The following ATG13 variants were observed in gnomAD, a reference collection of about 807,000 sequenced individuals.
The protein encoded by ATG13 is autophagy-related protein 13.
In ATG13, 23 loss-of-function variants were observed where a neutral mutation model predicts 65.5. The ratio of observed to expected loss-of-function variants is 0.35; its 90% CI spans 0.25 to 0.50. The LOEUF (loss-of-function observed/expected upper bound fraction) is 0.50. ATG13 is among the 20% of genes least tolerant of loss of function. The pLI is 0.98. For missense variants in ATG13, 566 were observed against 677.0 expected, an observed-to-expected ratio of 0.84 and a Z score of 1.82; for synonymous variants, 252 against 245.2, an observed-to-expected ratio of 1.03 and a Z score of -0.26.
At chr11:46,663,641 G>A (rs1398749609) in intron 11 of ATG13, among the ~76,000 whole-genome samples, 1 of 152,158 alleles carries the variant, frequency 6.6e-6, no homozygotes, top group Non-Finnish European at 1.5e-5. Context: ...CCTTTCTGTT[G>A]GAAGCTGCTG....
At chr11:46,632,688 CTT>C (rs112679548) in intron 2 of ATG13, among the ~76,000 whole-genome samples, 1,779 of 152,118 alleles carry the variant, frequency 0.012, 42 homozygotes, top group African/African-American at 0.041. Flanking sequence ...CCTCTATAGA[CTT>C]TTGGCAGTAG....
At chr11:46,640,638 A>G (rs947343579) in intron 2 of ATG13, among the ~76,000 whole-genome samples, 1 of 152,252 alleles carries the variant, frequency 6.6e-6, no homozygotes, top group Non-Finnish European at 1.5e-5. Flanking sequence ...TCTAGGCAAC[A>G]GAGCAAGATT....
intron 2 of ATG13, among the ~76,000 whole-genome samples, chr11:46,643,238 T>C (rs182780241): frequency 6.6e-6 from 1 of 152,288 alleles, no homozygotes; most frequent in African/African-American, 2.4e-5. Flanking sequence ...CCAGTTTAGC[T>C]TGGGATCAAC....
chr11:46,654,825 A>T (rs1480834124), intron 7 of ATG13, among the ~76,000 whole-genome samples: 1 of 151,220 alleles, frequency 6.6e-6, no homozygotes, highest in East Asian at 2.0e-4. Context: ...CAGGCCAGGC[A>T]TGGTGGCTTG....
intron 7 of ATG13, 143 bp downstream of exon 7, chr11:46,650,460 C>A: frequency 8.6e-7 from 1 of 1,167,350 alleles, no homozygotes; most frequent in Non-Finnish European, 1.2e-6. Context: ...CATGTGATCA[C>A]TATCCAGCCT....
intron 4 of ATG13, 106 bp downstream of exon 4, chr11:46,645,525 A>G (rs926534617): frequency 2.1e-6 from 2 of 944,614 alleles, no homozygotes; most frequent in East Asian, 2.7e-5. Flanking sequence ...GTATTATAAA[A>G]GTAAAATATC....
chr11:46,663,968 C>G, intron 11 of ATG13, 29 bp from the exon 12 acceptor site: 36 of 412,728 alleles, frequency 8.7e-5, no homozygotes, highest in Middle Eastern at 7.1e-4. Flanking sequence ...TTTTTTGTTT[C>G]TCCTGTCTCT....
At position 46,617,558 on chromosome 11, in the gene ATG13, T is replaced by G. The variant is rs2045695112; in HGVS notation, c.-402T>G. On this transcript the variant is annotated 5_prime_UTR_variant, in exon 1 of 19. Coordinates refer to ENST00000683050, the MANE Select transcript of ATG13 (RefSeq NM_001346311.2). ...CTCTTTCACCCCCCCCCCCCGGCCATTACCGAAGCGGATGAAAACAAACAC... is the reference window on the plus strand; with the variant it reads ...CTCTTTCACCCCCCCCCCCCGGCCAGTACCGAAGCGGATGAAAACAAACAC... 4.5e-5 allele frequency: 3 copies of G among 67,032 alleles called. No homozygotes were observed. The highest frequency in any genetic ancestry group is 8.0e-5 in the African/African-American group (1 of 12,536). 4.2% of individuals were successfully genotyped at this position (67,032 alleles called of 1,614,324 possible). A position where few individuals can be genotyped will look rare whatever the true frequency, so the allele number is the denominator to read the frequency against.
intron 5 of ATG13, 110 bp from the exon 6 acceptor site, chr11:46,649,027 C>A (rs2058348332): frequency 3.5e-6 from 3 of 859,202 alleles, no homozygotes; most frequent in South Asian, 2.2e-5. Flanking sequence ...AAGTTGATAT[C>A]TATTCTTTTT....
intron 15 of ATG13, among the ~76,000 whole-genome samples, chr11:46,668,290 C>T (rs2062841263): frequency 1.3e-5 from 2 of 152,202 alleles, no homozygotes; most frequent in Admixed American, 1.3e-4. Flanking sequence ...CTCAGGACCC[C>T]AACCCTTGTT....
intron 10 of ATG13, 77 bp downstream of exon 10, chr11:46,657,699 T>C: frequency 1.5e-6 from 2 of 1,311,684 alleles, no homozygotes; most frequent in South Asian, 1.4e-5. Flanking sequence ...CATGGAACAC[T>C]TTTCTCAGCA....
chr11:46,620,803 G>A (rs573952057), intron 1 of ATG13, among the ~76,000 whole-genome samples: 14 of 151,952 alleles, frequency 9.2e-5, no homozygotes, highest in Non-Finnish European at 1.9e-4. Flanking sequence ...CTCAATTAAC[G>A]TGCATGGTTG....
chr11:46,651,308 G>C (rs1474302133), intron 7 of ATG13, among the ~76,000 whole-genome samples: 1 of 152,250 alleles, frequency 6.6e-6, no homozygotes, highest in Non-Finnish European at 1.5e-5. Flanking sequence ...AAACAGTGCA[G>C]TTCTTATGAA....
intron 5 of ATG13, among the ~76,000 whole-genome samples, chr11:46,646,899 A>G (rs1314042565): frequency 6.6e-6 from 1 of 152,004 alleles, no homozygotes; most frequent in African/African-American, 2.4e-5. Context: ...AGCTGAGACT[A>G]TAGGCATGCA....
At chr11:46,640,737 C>T (rs1371740002) in intron 2 of ATG13, among the ~76,000 whole-genome samples, 1 of 152,196 alleles carries the variant, frequency 6.6e-6, no homozygotes, top group African/African-American at 2.4e-5. Context: ...GGGGAAATTT[C>T]AGTCATCAGG....
At chr11:46,660,511 G>A (rs1343356213) in intron 11 of ATG13, among the ~76,000 whole-genome samples, 4 of 150,080 alleles carry the variant, frequency 2.7e-5, no homozygotes, top group Non-Finnish European at 4.4e-5. Flanking sequence ...CCGGGTTCAC[G>A]CCATTCTCCT....
At chr11:46,650,975 T>A (rs561535492) in intron 7 of ATG13, among the ~76,000 whole-genome samples, 53 of 152,326 alleles carry the variant, frequency 3.5e-4, no homozygotes, top group African/African-American at 1.3e-3. Context: ...AGGGTTAAAT[T>A]AAAACTTTGT....
At chr11:46,660,201 A>AT (rs2060855159) in intron 11 of ATG13, among the ~76,000 whole-genome samples, 1 of 151,974 alleles carries the variant, frequency 6.6e-6, no homozygotes, top group African/African-American at 2.4e-5. Flanking sequence ...TTGCCTCCAG[A>AT]TTCCTCTTCT....
intron 11 of ATG13, among the ~76,000 whole-genome samples, chr11:46,661,868 G>C (rs1268979147): frequency 6.6e-6 from 1 of 152,178 alleles, no homozygotes. Context: ...GTTGTAATCT[G>C]TTTCAAAAGC....
Sources: gnomAD v4.1 joint callset for allele counts (sites outside exome capture counted in the v4.1 genomes callset) on GRCh38, gnomAD v4.1.1 for gene constraint, MANE v1.5 for transcripts, NCBI Gene and HGNC (gene_info 2026-07-23, HGNC 2026-07-21) for gene names.